PRDM2: variants seen among roughly 807,000 people sequenced by gnomAD.
PRDM2 encodes PR/SET domain 2.
PRDM2 carries 30 observed loss-of-function variants against 130.0 expected under a neutral mutation model. That is an observed-to-expected ratio of 0.23 (90% CI 0.17 to 0.31). The LOEUF (loss-of-function observed/expected upper bound fraction) is 0.31. Ranked by LOEUF, PRDM2 falls within the 10% of genes least tolerant of loss-of-function variation. The pLI is 1.00. For missense variants in PRDM2, 2,011 were observed against 2,108.4 expected, an observed-to-expected ratio of 0.95 and a Z score of 0.90; for synonymous variants, 871 against 782.4, an observed-to-expected ratio of 1.11 and a Z score of -1.89.
intron 2 of PRDM2, among the ~76,000 whole-genome samples, chr1:13,725,830 C>A (rs1016882122): frequency 6.6e-6 from 1 of 152,164 alleles, no homozygotes; most frequent in East Asian, 1.9e-4. Flanking sequence ...CAGGTGTCCA[C>A]GGACTGTGAG....
At chr1:13,753,307 G>A (rs955445494) in intron 6 of PRDM2, among the ~76,000 whole-genome samples, 11 of 152,216 alleles carry the variant, frequency 7.2e-5, no homozygotes, top group Admixed American at 3.3e-4. Context: ...GTTCCTTAAG[G>A]TCAGTTAGTA....
At chr1:13,714,571 T>TA (rs1437570424) in intron 1 of PRDM2, among the ~76,000 whole-genome samples, 1 of 152,118 alleles carries the variant, frequency 6.6e-6, no homozygotes, top group Non-Finnish European at 1.5e-5. Context: ...ACTACCTTAT[T>TA]AAAAAACAAG....
At chr1:13,755,106 A>G (rs1187043155) in intron 6 of PRDM2, among the ~76,000 whole-genome samples, 1 of 152,172 alleles carries the variant, frequency 6.6e-6, no homozygotes. Flanking sequence ...GTTTTTCAAC[A>G]GTAGGAGTTC....
intron 8 of PRDM2, among the ~76,000 whole-genome samples, chr1:13,809,833 T>TAGGC (rs1645142802): frequency 6.6e-6 from 1 of 152,200 alleles, no homozygotes; most frequent in Non-Finnish European, 1.5e-5. Flanking sequence ...TACCATGGAC[T>TAGGC]AGGCGGCTTA....
chr1:13,786,724 C>CGCATGCTG lies in PRDM2; in HGVS notation c.5036+3895_5036+3902dup, dbSNP rs1435596788. On this transcript the variant is annotated intron_variant, in intron 8 of 9. Transcript: ENST00000311066. ...CTGCTGCTTCGGTGGGGGCCCAACGCGCATGCTGGGCGCCCGGGTGATTGA... is the reference window on the plus strand; with the variant it reads ...CTGCTGCTTCGGTGGGGGCCCAACGCGCATGCTGGCATGCTGGGCGCCCGGGTGATTGA... 3 of 1,428,164 alleles carry CGCATGCTG rather than the reference C, an allele frequency of 2.1e-6. No individual in the cohort carries two copies. In the African/African-American group the frequency reaches 4.3e-5, roughly 20 times the overall value. 88.5% of individuals were successfully genotyped at this position (1,428,164 alleles called of 1,614,324 possible). A position where few individuals can be genotyped will look rare whatever the true frequency, so the allele number is the denominator to read the frequency against.
chr1:13,714,114 C>T (rs1312777357), intron 1 of PRDM2, among the ~76,000 whole-genome samples: 1 of 152,198 alleles, frequency 6.6e-6, no homozygotes, highest in African/African-American at 2.4e-5. Flanking sequence ...CGTGATCCAC[C>T]TGCCTTGGCC....
intron 2 of PRDM2, among the ~76,000 whole-genome samples, chr1:13,716,351 G>A (rs1378827505): frequency 1.3e-5 from 2 of 151,514 alleles, no homozygotes; most frequent in Non-Finnish European, 2.9e-5. Flanking sequence ...CCTAATGCTA[G>A]ATGACGAGTT....
chr1:13,745,147 A>G (rs1643563799), intron 5 of PRDM2, among the ~76,000 whole-genome samples: 1 of 152,180 alleles, frequency 6.6e-6, no homozygotes, highest in Non-Finnish European at 1.5e-5. Context: ...GGTCTGGAGG[A>G]TGTTTCGTGT....
In PRDM2 at chr1:13,737,433, T is replaced by C. The variant is rs528076850; in HGVS notation, c.231+4551T>C. 1.0e-3 allele frequency among the ~76,000 whole-genome samples: 159 copies of C among 152,322 alleles called. 1 individual carries two copies. The highest frequency in any genetic ancestry group is 3.7e-3 in the African/African-American group (153 of 41,578). ...AGTTGAGCAGTGGTGATGGAGACCA[T>C]ATGGCCTGCAAAACTGCAAATATTT... is the stretch of plus-strand genomic sequence containing the variant. On this transcript the variant is annotated intron_variant, in intron 4 of 9. Coordinates refer to ENST00000311066, the MANE Select transcript of PRDM2 (RefSeq NM_001393986.1).
At chr1:13,747,613 T>C (rs893787466) in intron 5 of PRDM2, among the ~76,000 whole-genome samples, 1 of 151,920 alleles carries the variant, frequency 6.6e-6, no homozygotes, top group African/African-American at 2.4e-5. Flanking sequence ...TTAAAGAATT[T>C]AGAATATTTT....
chr1:13,815,753 G>T (rs957622098), intron 8 of PRDM2, among the ~76,000 whole-genome samples: 2 of 152,178 alleles, frequency 1.3e-5, no homozygotes, highest in Admixed American at 6.5e-5. Context: ...ACTGGGGGCG[G>T]TGGTTGGGGG....
intron 8 of PRDM2, among the ~76,000 whole-genome samples, chr1:13,807,619 G>A (rs1645105387): frequency 6.6e-6 from 1 of 152,184 alleles, no homozygotes; most frequent in African/African-American, 2.4e-5. Flanking sequence ...GACCACCTGG[G>A]GGAAGAGTGT....
At chr1:13,773,224 G>T (rs1226415901) in intron 7 of PRDM2, 36 bp downstream of exon 7, 1 of 1,242,476 alleles carries the variant, frequency 8.0e-7, no homozygotes, top group East Asian at 2.5e-5. Flanking sequence ...TGAATTGGGT[G>T]TGTATGTACC....
intron 8 of PRDM2, among the ~76,000 whole-genome samples, chr1:13,798,382 G>C (rs934144507): frequency 1.3e-5 from 2 of 152,162 alleles, no homozygotes; most frequent in Admixed American, 1.3e-4. Flanking sequence ...GAAAGAAAAG[G>C]CTGGTGATAG....
intron 8 of PRDM2, among the ~76,000 whole-genome samples, chr1:13,798,327 C>T (rs1382608928): frequency 6.6e-6 from 1 of 152,154 alleles, no homozygotes; most frequent in Non-Finnish European, 1.5e-5. Flanking sequence ...GGTGATTGAA[C>T]AAAGAATGTC....
intron 5 of PRDM2, among the ~76,000 whole-genome samples, chr1:13,747,967 G>C (rs1399277525): frequency 6.6e-6 from 1 of 152,122 alleles, no homozygotes; most frequent in African/African-American, 2.4e-5. Context: ...CAGTTGTTAT[G>C]TCTTATGTGT....
chr1:13,778,954 A>G lies in PRDM2; in HGVS notation c.1159A>G (p.Asn387Asp), dbSNP rs766016610. 6 of 1,614,244 alleles carry G rather than the reference A, an allele frequency of 3.7e-6. No homozygotes were observed. In the South Asian group the frequency reaches 5.5e-5, roughly 15 times the overall value. ...RHMHIHISTV[N>D]HAFKCKYCGK... is the part of the protein sequence containing the mutation. ...CATGCATATCCATATATCCACCGTC[A>G]ATCATGCTTTCAAATGCAAGTACTG... The change falls in exon 8 of 10, where the codon AAT becomes GAT. Residue 387 changes from asparagine (N) to aspartate (D), a missense_variant. This residue lies in a region of PRDM2 where 1,288 missense variants were observed against 1,237.7 expected (regional missense o/e 1.04). Coordinates refer to ENST00000311066, the MANE Select transcript of PRDM2 (RefSeq NM_001393986.1).
At chr1:13,807,297 G>A (rs907839128) in intron 8 of PRDM2, among the ~76,000 whole-genome samples, 1 of 152,236 alleles carries the variant, frequency 6.6e-6, no homozygotes, top group Non-Finnish European at 1.5e-5. Context: ...GCACAGAATA[G>A]ACACACCGTT....
intron 8 of PRDM2, among the ~76,000 whole-genome samples, chr1:13,791,913 C>G (rs1203644): frequency 0.18 from 26,696 of 152,144 alleles, 2,969 homozygotes; most frequent in South Asian, 0.26. Flanking sequence ...GGTGGACATT[C>G]TGGAGACCAT....
Sources: gnomAD v4.1 joint callset for allele counts (sites outside exome capture counted in the v4.1 genomes callset) on GRCh38, gnomAD v4.1.1 for gene constraint, gnomAD v4.1.1 regional missense constraint, MANE v1.5 for transcripts, NCBI Gene and HGNC (gene_info 2026-07-23, HGNC 2026-07-21) for gene names.